Variants in TMTC2 observed in about 807,000 individuals in gnomAD.
TMTC2 encodes the protein protein O-mannosyl-transferase TMTC2.
TMTC2 carries 43 observed loss-of-function variants against 82.4 expected under a neutral mutation model. The observed-to-expected ratio is 0.52, with a 90% CI of 0.41 to 0.67. The LOEUF (loss-of-function observed/expected upper bound fraction) is 0.67. Among genes scored for constraint, TMTC2 ranks in the 30% least tolerant of loss-of-function variants. The pLI is 0.00. For missense variants in TMTC2, 919 were observed against 1,012.4 expected, an observed-to-expected ratio of 0.91 and a Z score of 1.25; for synonymous variants, 408 against 381.9, an observed-to-expected ratio of 1.07 and a Z score of -0.80.
chr12:82,769,238 C>T (rs747575246), intron 1 of TMTC2, among the ~76,000 whole-genome samples: 7 of 151,550 alleles, frequency 4.6e-5, no homozygotes, highest in Non-Finnish European at 7.4e-5. Context: ...TTTGGGAGGC[C>T]GAGGCGGGTG....
At chr12:82,785,332 T>C (rs1878124031) in intron 1 of TMTC2, among the ~76,000 whole-genome samples, 1 of 151,712 alleles carries the variant, frequency 6.6e-6, no homozygotes, top group African/African-American at 2.4e-5. Context: ...GCTATTTTAA[T>C]TTTTAATCCA....
chr12:82,753,179 A>G (rs1339636543), intron 1 of TMTC2, among the ~76,000 whole-genome samples: 4 of 152,070 alleles, frequency 2.6e-5, no homozygotes, highest in South Asian at 4.2e-4. Flanking sequence ...TCCACTCATC[A>G]CTTTTGCCCT....
intron 1 of TMTC2, among the ~76,000 whole-genome samples, chr12:82,784,351 A>G (rs112362374): frequency 6.6e-5 from 10 of 152,176 alleles, no homozygotes; most frequent in African/African-American, 2.4e-4. Context: ...GTGTTGGGAG[A>G]ACCTGCATAT....
At chr12:82,819,531 C>T (rs1337652047) in intron 1 of TMTC2, among the ~76,000 whole-genome samples, 18 of 115,356 alleles carry the variant, frequency 1.6e-4, no homozygotes, top group South Asian at 5.5e-4. Context: ...GACGGAGTTT[C>T]GCTCTCGTTG....
intron 1 of TMTC2, among the ~76,000 whole-genome samples, chr12:82,719,238 C>G (rs563111327): frequency 6.6e-6 from 1 of 151,370 alleles, no homozygotes; most frequent in Non-Finnish European, 1.5e-5. Context: ...GGATTGCAGG[C>G]GCACACCACC....
intron 1 of TMTC2, among the ~76,000 whole-genome samples, chr12:82,789,191 A>G (rs1170646149): frequency 6.6e-6 from 1 of 152,122 alleles, no homozygotes; most frequent in African/African-American, 2.4e-5. Context: ...ATGTACGATA[A>G]AGTTAAATGG....
chr12:83,031,377 G>C (rs1881423869), intron 9 of TMTC2, among the ~76,000 whole-genome samples: 1 of 152,142 alleles, frequency 6.6e-6, no homozygotes, highest in Admixed American at 6.6e-5. Context: ...AGGGTGCAAA[G>C]GATGGCTGTC....
intron 7 of TMTC2, among the ~76,000 whole-genome samples, chr12:82,979,355 A>G (rs1821444): frequency 0.92 from 139,931 of 151,598 alleles, 64,635 homozygotes; most frequent in East Asian, 1. Flanking sequence ...ATTTTAGTTT[A>G]AGGTTATAAT....
At chr12:82,806,042 T>A (rs1367909870) in intron 1 of TMTC2, among the ~76,000 whole-genome samples, 3 of 152,058 alleles carry the variant, frequency 2.0e-5, no homozygotes, top group Non-Finnish European at 4.4e-5. Context: ...AGTAAGCAGA[T>A]AAATCAAAAT....
intron 10 of TMTC2, among the ~76,000 whole-genome samples, chr12:83,051,382 C>T (rs550148504): frequency 6.6e-6 from 1 of 152,054 alleles, no homozygotes; most frequent in Non-Finnish European, 1.5e-5. Flanking sequence ...TCCAATGTGG[C>T]CCAGGGAAGC....
chr12:82,876,375 G>A (rs542357468), intron 2 of TMTC2, among the ~76,000 whole-genome samples: 1 of 152,226 alleles, frequency 6.6e-6, no homozygotes, highest in Non-Finnish European at 1.5e-5. Flanking sequence ...ATTGGTGGTT[G>A]TGACATATTT....
intron 11 of TMTC2, among the ~76,000 whole-genome samples, chr12:83,101,923 T>G (rs1884232662): frequency 1.3e-5 from 2 of 152,316 alleles, no homozygotes; most frequent in Middle Eastern, 3.4e-3. Context: ...TGCATGAGAA[T>G]AAAAATGACT....
At chr12:82,876,395 G>A (rs1872582653) in intron 2 of TMTC2, among the ~76,000 whole-genome samples, 1 of 152,142 alleles carries the variant, frequency 6.6e-6, no homozygotes, top group Non-Finnish European at 1.5e-5. Context: ...TCAGCTGAGA[G>A]ATAATAGAAA....
At chr12:83,071,798 G>C (rs572295805) in intron 11 of TMTC2, among the ~76,000 whole-genome samples, 3 of 152,102 alleles carry the variant, frequency 2.0e-5, no homozygotes, top group Non-Finnish European at 4.4e-5. Flanking sequence ...GTGTCAAGGT[G>C]TTCATAGTAG....
chr12:83,094,174 G>A (rs1444949055), intron 11 of TMTC2, among the ~76,000 whole-genome samples: 3 of 152,214 alleles, frequency 2.0e-5, no homozygotes, highest in South Asian at 2.1e-4. Context: ...TCCAACATCC[G>A]CGTATGCCCT....
At chr12:82,936,216 A>G (rs1437385986) in intron 4 of TMTC2, among the ~76,000 whole-genome samples, 1 of 152,140 alleles carries the variant, frequency 6.6e-6, no homozygotes, top group Non-Finnish European at 1.5e-5. Flanking sequence ...AACTTTGGAA[A>G]CAATATTAAG....
chr12:83,005,224 AG>A (rs1555204786), intron 8 of TMTC2, among the ~76,000 whole-genome samples: 5 of 12,660 alleles, frequency 3.9e-4, no homozygotes, highest in African/African-American at 5.6e-4. Context: ...AAAAAAAAAA[AG>A]GGGAGAGAGA....
intron 1 of TMTC2, among the ~76,000 whole-genome samples, chr12:82,789,485 T>C (rs922240759): frequency 6.6e-6 from 1 of 152,166 alleles, no homozygotes; most frequent in Admixed American, 6.5e-5. Context: ...ATGGAAAGAT[T>C]CATTAGAGTT....
At chr12:82,937,738 G>GGA (rs551965964) in intron 4 of TMTC2, among the ~76,000 whole-genome samples, 51,823 of 92,544 alleles carry the variant, frequency 0.56, 11,348 homozygotes, top group Middle Eastern at 0.61. Flanking sequence ...GGATGTGTGT[G>GGA]TGTGTGTGTG....
Sources: gnomAD v4.1 joint callset for allele counts (sites outside exome capture counted in the v4.1 genomes callset) on GRCh38, gnomAD v4.1.1 for gene constraint, MANE v1.5 for transcripts, NCBI Gene and HGNC (gene_info 2026-07-23, HGNC 2026-07-21) for gene names.